Variants in SLC2A2 observed in about 807,000 individuals in gnomAD.
The protein encoded by SLC2A2 is solute carrier family 2 member 2.
SLC2A2 carries 36 observed loss-of-function variants against 54.5 expected under a neutral mutation model. The observed-to-expected ratio is 0.66, with a 90% CI of 0.51 to 0.87. The LOEUF (loss-of-function observed/expected upper bound fraction) is 0.87. Among genes scored for constraint, SLC2A2 ranks in the 40% least tolerant of loss-of-function variants. The pLI is 0.00. For synonymous variants in SLC2A2, 223 were observed against 219.1 expected (o/e 1.02, Z -0.16); for missense variants, 543 against 624.3 (o/e 0.87, Z 1.39).
At chr3:171,001,834 A>G (rs1048189345) in intron 8 of SLC2A2, among the ~76,000 whole-genome samples, 1 of 151,628 alleles carries the variant, frequency 6.6e-6, no homozygotes, top group East Asian at 1.9e-4. Flanking sequence ...TCCTTAATAT[A>G]TAAGAACCAT....
intron 4 of SLC2A2, among the ~76,000 whole-genome samples, chr3:171,008,247 C>A (rs1315607592): frequency 1.3e-5 from 2 of 151,970 alleles, no homozygotes; most frequent in Non-Finnish European, 2.9e-5. Flanking sequence ...TCAAATTGTT[C>A]TTAATGTCTC....
chr3:171,023,927 T>G (rs894640538), intron 1 of SLC2A2, among the ~76,000 whole-genome samples: 2 of 152,122 alleles, frequency 1.3e-5, no homozygotes, highest in African/African-American at 2.4e-5. Context: ...CATATCCAAT[T>G]TAAAATATGC....
At chr3:170,999,200 G>A in intron 8 of SLC2A2, 34 bp from the exon 9 acceptor site, 1 of 1,379,024 alleles carries the variant, frequency 7.3e-7, no homozygotes, top group Non-Finnish European at 1.0e-6. Flanking sequence ...TCTCAGTTTT[G>A]TGAGTCACAA....
intron 5 of SLC2A2, among the ~76,000 whole-genome samples, chr3:171,006,644 T>C (rs1194801170): frequency 1.3e-5 from 2 of 152,026 alleles, no homozygotes; most frequent in African/African-American, 2.4e-5. Context: ...TGGATTGTCG[T>C]AGGTGTGGGG....
chr3:171,008,168 A>T (rs533988004), intron 4 of SLC2A2, among the ~76,000 whole-genome samples: 6 of 152,142 alleles, frequency 3.9e-5, no homozygotes, highest in African/African-American at 7.2e-5. Flanking sequence ...CTGCCTATCA[A>T]ATTGAAATGG....
chr3:171,019,059 GTGTGTGTGTGTGTGTGTATATATATA>G (rs1212819946), intron 1 of SLC2A2, among the ~76,000 whole-genome samples: 1 of 121,364 alleles, frequency 8.2e-6, no homozygotes, highest in Non-Finnish European at 1.6e-5. Context: ...TTGTTGATAT[GTGTGTGTGTGTGTGTGTATATATATA>G]TGTGTGTGTG....
intron 8 of SLC2A2, among the ~76,000 whole-genome samples, chr3:171,001,846 ACTT>A (rs1715349839): frequency 6.6e-6 from 1 of 151,174 alleles, no homozygotes; most frequent in African/African-American, 2.4e-5. Flanking sequence ...AAGAACCATC[ACTT>A]CTTATATATC....
At position 171,014,603 on chromosome 3, in the gene SLC2A2, G is replaced by A; in HGVS notation, c.237C>T (p.Thr79=). ...TISYSMNPKP[T]PWAEEETVAA... The stretch of plus-strand genomic sequence containing the variant: ...CCACAGTCTCTTCCTCAGCCCAAGG[G>A]GTTGGTTTTGGGTTCATTGAGTATG... The change falls in exon 3 of 11, where the codon ACC becomes ACT. Residue 79 remains threonine (T), a synonymous_variant. Coordinates refer to ENST00000314251, the MANE Select transcript of SLC2A2 (RefSeq NM_000340.2). 6.2e-7 allele frequency: 1 copy of A among 1,614,070 alleles called. No homozygotes were observed. Among genetic ancestry groups the A allele is most frequent in the Non-Finnish European group, 8.5e-7 (1 of 1,180,018 alleles).
intron 5 of SLC2A2, among the ~76,000 whole-genome samples, chr3:171,006,790 C>T (rs751585069): frequency 2.6e-5 from 4 of 151,950 alleles, no homozygotes; most frequent in African/African-American, 4.8e-5. Context: ...CAGTCAAACA[C>T]GAAGTTTTCT....
Position 170,996,799 on chromosome 3 carries a change from A to G in SLC2A2, c.*1104T>C. The G allele has an allele frequency of 2.5e-6, 1 of 395,076 alleles. No individual in the cohort carries two copies. The allele number at this position is 395,076 out of a possible 1,614,324, so 24.5% of individuals were successfully genotyped here. On this transcript the variant is annotated 3_prime_UTR_variant, in exon 11 of 11. Coordinates refer to ENST00000314251, the MANE Select transcript of SLC2A2 (RefSeq NM_000340.2). ...GATTATTTTATGTTAGGAACACACC[A>G]TAAAACAATCAGTCTTTCCAGGAAA...
chr3:171,012,204 G>A (rs536039664), intron 3 of SLC2A2, among the ~76,000 whole-genome samples: 1 of 152,132 alleles, frequency 6.6e-6, no homozygotes, highest in Admixed American at 6.6e-5. Flanking sequence ...TTTTATATTT[G>A]TTGTCATTAA....
chr3:171,010,791 G>T (rs1003416666), intron 3 of SLC2A2, among the ~76,000 whole-genome samples: 1 of 151,996 alleles, frequency 6.6e-6, no homozygotes, highest in Non-Finnish European at 1.5e-5. Context: ...AGTGACCAAT[G>T]TAAAATACAT....
chr3:170,996,465 A>T lies in SLC2A2; in HGVS notation c.*1438T>A, dbSNP rs1576820590. On this transcript the variant is annotated 3_prime_UTR_variant, in exon 11 of 11. Transcript: ENST00000314251. ...ATTTCACTCTTAAAGAGTACTTTTT[A>T]AAAAGTGCTTTTCTTCAATACACAT... 1.8e-5 allele frequency: 7 copies of T among 395,156 alleles called. No homozygotes were observed. In the East Asian group the frequency reaches 2.5e-4, roughly 14 times the overall value. 24.5% of individuals were successfully genotyped at this position (395,156 alleles called of 1,614,324 possible). A position where few individuals can be genotyped will look rare whatever the true frequency, so the allele number is the denominator to read the frequency against.
chr3:171,018,470 C>T (rs1037911615), intron 2 of SLC2A2, 61 bp downstream of exon 2: 1 of 1,136,116 alleles, frequency 8.8e-7, no homozygotes, highest in Non-Finnish European at 1.3e-6. Flanking sequence ...GTATGAGGAA[C>T]ATATGATATC....
At chr3:171,011,207 C>G (rs910616271) in intron 3 of SLC2A2, among the ~76,000 whole-genome samples, 19 of 152,114 alleles carry the variant, frequency 1.2e-4, no homozygotes, top group Non-Finnish European at 2.1e-4. Flanking sequence ...AATCCCCAGA[C>G]TCTGTAAATG....
chr3:171,023,830 C>T (rs898575695), intron 1 of SLC2A2, among the ~76,000 whole-genome samples: 1 of 152,190 alleles, frequency 6.6e-6, no homozygotes, highest in Non-Finnish European at 1.5e-5. Flanking sequence ...CTAACTTCCT[C>T]ATAGGCTATA....
chr3:171,001,153 C>T (rs1300155651), intron 8 of SLC2A2, among the ~76,000 whole-genome samples: 1 of 152,034 alleles, frequency 6.6e-6, no homozygotes, highest in East Asian at 1.9e-4. Context: ...TGAAACTTTA[C>T]AGAAGTTTCC....
chr3:171,007,001 G>T (rs865832819), intron 5 of SLC2A2, 147 bp downstream of exon 5: 2 of 688,716 alleles, frequency 2.9e-6, no homozygotes, highest in Admixed American at 2.0e-5. Flanking sequence ...TTTTCTCTCT[G>T]TGCTGGTCTA....
At chr3:171,013,335 G>A (rs78993344) in intron 3 of SLC2A2, among the ~76,000 whole-genome samples, 2,627 of 151,866 alleles carry the variant, frequency 0.017, 75 homozygotes, top group African/African-American at 0.059. Flanking sequence ...TTATTAATCC[G>A]TATTTTACAG....
Sources: allele counts gnomAD v4.1 joint callset (sites outside exome capture counted in the v4.1 genomes callset), GRCh38; gene constraint gnomAD v4.1.1; transcripts MANE v1.5; gene names NCBI Gene and HGNC (gene_info 2026-07-23, HGNC 2026-07-21).